Variants in ACTR2 observed in about 807,000 individuals in gnomAD.
ACTR2 encodes the protein actin-related protein 2.
ACTR2 carries 5 observed loss-of-function variants against 50.2 expected under a neutral mutation model. The observed-to-expected ratio is 0.10, with a 90% confidence interval of 0.05 to 0.21. The LOEUF is 0.21. Among genes scored for constraint, ACTR2 ranks in the 10% least tolerant of loss-of-function variants. The probability of loss-of-function intolerance (pLI) is 1.00; values close to 1 mark genes in which losing one functional copy is unlikely to be tolerated. For missense variants in ACTR2, 180 were observed against 480.6 expected, an observed-to-expected ratio of 0.37 and a Z score of 5.85; for synonymous variants, 140 against 162.9, an observed-to-expected ratio of 0.86 and a Z score of 1.07.
chr2:65,232,932 C>T (rs1671667484), intron 1 of ACTR2, among the ~76,000 whole-genome samples: 1 of 151,600 alleles, frequency 6.6e-6, no homozygotes, highest in African/African-American at 2.4e-5. Context: ...TAAGATGATA[C>T]CAATGATACC....
At chr2:65,259,964 C>G (rs966362342) in intron 6 of ACTR2, among the ~76,000 whole-genome samples, 4 of 152,174 alleles carry the variant, frequency 2.6e-5, no homozygotes, top group African/African-American at 9.6e-5. Context: ...AATATGATAC[C>G]TGATTTGTTT....
At chr2:65,242,654 G>C (rs780384250) in intron 2 of ACTR2, 1 of 511,882 alleles carries the variant, frequency 2.0e-6, no homozygotes, top group South Asian at 1.4e-5. Context: ...AAAAGGTAAA[G>C]CTTTTCTATA....
Position 65,270,056 on chromosome 2 carries a change from C to T in ACTR2, c.*1322C>T, listed in dbSNP as rs1452450681. The T allele has an allele frequency of 6.6e-6, 1 of 152,138 alleles. No homozygotes were observed. Among genetic ancestry groups the T allele is most frequent in the Non-Finnish European group, 1.5e-5 (1 of 68,014 alleles). 9.4% of individuals were successfully genotyped at this position (152,138 alleles called of 1,614,324 possible). On this transcript the variant is annotated 3_prime_UTR_variant, in exon 9 of 9. Coordinates refer to ENST00000260641, the MANE Select transcript of ACTR2 (RefSeq NM_005722.4). ...TGTCAGAAAATCCTATTTATGAATC[C>T]TGTCGGTATTCCTTGGTATCTGAAA... is the stretch of plus-strand genomic sequence containing the variant.
chr2:65,227,872 A>G lies in ACTR2; in HGVS notation c.-38A>G. On this transcript the variant is annotated 5_prime_UTR_variant, in exon 1 of 9. Coordinates refer to ENST00000260641, the MANE Select transcript of ACTR2 (RefSeq NM_005722.4). ...AAAACGGCCGGGCGGCGGTGGCTGT[A>G]GGTTGTGCGGCTGCAGCGGCTCTTC... 6.7e-7 allele frequency: 1 copy of G among 1,499,660 alleles called. No individual in the cohort carries two copies. Among genetic ancestry groups the G allele is most frequent in the Non-Finnish European group, 8.9e-7 (1 of 1,123,892 alleles). 92.9% of individuals were successfully genotyped at this position (1,499,660 alleles called of 1,614,324 possible).
chr2:65,267,432 T>C (rs1341680399), intron 8 of ACTR2, among the ~76,000 whole-genome samples: 1 of 152,256 alleles, frequency 6.6e-6, no homozygotes, highest in Non-Finnish European at 1.5e-5. Flanking sequence ...TCTTGGATTG[T>C]TAGAACCCTT....
intron 8 of ACTR2, among the ~76,000 whole-genome samples, chr2:65,267,239 G>A (rs1189306057): frequency 6.6e-6 from 1 of 152,222 alleles, no homozygotes; most frequent in African/African-American, 2.4e-5. Flanking sequence ...GTTACCTGTT[G>A]TCACATATTG....
intron 4 of ACTR2, 127 bp from the exon 5 acceptor site, chr2:65,253,601 C>G: frequency 1.1e-6 from 1 of 928,862 alleles, no homozygotes; most frequent in Non-Finnish European, 1.6e-6. Flanking sequence ...TGCAAAATAA[C>G]TAAATAATAA....
At chr2:65,235,952 T>C (rs1400613751) in intron 1 of ACTR2, among the ~76,000 whole-genome samples, 1 of 152,174 alleles carries the variant, frequency 6.6e-6, no homozygotes, top group East Asian at 1.9e-4. Context: ...AGGATAGGAA[T>C]TGAGGTGGCA....
intron 3 of ACTR2, among the ~76,000 whole-genome samples, chr2:65,248,984 A>G (rs1390377367): frequency 2.0e-5 from 3 of 152,054 alleles, no homozygotes; most frequent in Non-Finnish European, 2.9e-5. Flanking sequence ...CTGCACTCCA[A>G]CCTGAGCGAC....
intron 4 of ACTR2, among the ~76,000 whole-genome samples, chr2:65,251,832 T>C (rs907117076): frequency 6.6e-6 from 1 of 152,210 alleles, no homozygotes; most frequent in African/African-American, 2.4e-5. Context: ...GAGGTGGGTT[T>C]AATGGAGGGG....
intron 7 of ACTR2, among the ~76,000 whole-genome samples, chr2:65,262,505 G>A (rs949096748): frequency 1.3e-5 from 2 of 151,046 alleles, no homozygotes; most frequent in African/African-American, 4.9e-5. Context: ...GCCTACCAAA[G>A]TGCTGAGAGA....
intron 2 of ACTR2, among the ~76,000 whole-genome samples, chr2:65,244,308 A>G (rs1276089229): frequency 6.6e-6 from 1 of 152,216 alleles, no homozygotes; most frequent in East Asian, 1.9e-4. Context: ...TATCTTGTAC[A>G]ACACACAAAA....
chr2:65,267,929 C>CG (rs1672411209), intron 8 of ACTR2, among the ~76,000 whole-genome samples: 1 of 127,880 alleles, frequency 7.8e-6, no homozygotes, highest in Non-Finnish European at 1.6e-5. Context: ...CTCCACCTCC[C>CG]AGGTTTACGT....
At chr2:65,259,429 A>G (rs963271635) in intron 6 of ACTR2, among the ~76,000 whole-genome samples, 2 of 152,052 alleles carry the variant, frequency 1.3e-5, no homozygotes, top group Admixed American at 6.6e-5. Context: ...CTCAAAAAAA[A>G]TATATATGTA....
intron 1 of ACTR2, among the ~76,000 whole-genome samples, chr2:65,232,814 A>G (rs965371108): frequency 6.6e-6 from 1 of 152,198 alleles, no homozygotes; most frequent in African/African-American, 2.4e-5. Flanking sequence ...TGAAGAGGAA[A>G]CTATATATGG....
At chr2:65,251,148 A>T (rs1228359841) in intron 4 of ACTR2, 49 bp downstream of exon 4, 3 of 1,354,790 alleles carry the variant, frequency 2.2e-6, no homozygotes, top group Non-Finnish European at 1.0e-6. Context: ...AACATTTATT[A>T]TGTATGTTTT....
intron 1 of ACTR2, among the ~76,000 whole-genome samples, chr2:65,235,006 T>A (rs1224008711): frequency 6.6e-6 from 1 of 152,212 alleles, no homozygotes; most frequent in Non-Finnish European, 1.5e-5. Context: ...AAATTATGAC[T>A]GACATTAGGC....
intron 3 of ACTR2, among the ~76,000 whole-genome samples, chr2:65,250,280 C>T (rs1012719062): frequency 1.3e-4 from 19 of 149,566 alleles, no homozygotes; most frequent in Admixed American, 1.1e-3. Context: ...AGGAGAATGG[C>T]GTGAACCAGG....
intron 7 of ACTR2, among the ~76,000 whole-genome samples, chr2:65,262,332 C>T (rs969314230): frequency 5.9e-5 from 9 of 151,888 alleles, no homozygotes; most frequent in African/African-American, 1.9e-4. Flanking sequence ...CGTTTTCAAG[C>T]GATTCTCCTG....
Sources: allele counts gnomAD v4.1 joint callset (sites outside exome capture counted in the v4.1 genomes callset), GRCh38; gene constraint gnomAD v4.1.1; transcripts MANE v1.5; gene names NCBI Gene and HGNC (gene_info 2026-07-23, HGNC 2026-07-21).